IWS1: variants seen among roughly 807,000 people sequenced by gnomAD.
The protein encoded by IWS1 is interacts with SUPT6H, CTD assembly factor 1.
IWS1 carries 27 observed loss-of-function variants against 86.7 expected under a neutral mutation model. That is an observed-to-expected ratio of 0.31 (90% confidence interval 0.23 to 0.43). The LOEUF (loss-of-function observed/expected upper bound fraction) is 0.43, where lower values mean the gene tolerates loss of function less well. Ranked by LOEUF, IWS1 falls within the 20% of genes least tolerant of loss-of-function variation. The pLI is 1.00. For synonymous variants in IWS1, 313 were observed against 335.1 expected, an observed-to-expected ratio of 0.93 and a Z score of 0.72; for missense variants, 827 against 1,000.8, an observed-to-expected ratio of 0.83 and a Z score of 2.34.
chr2:127,510,660 T>C, intron 2 of IWS1, among the ~76,000 whole-genome samples: 1 of 142,654 alleles, frequency 7.0e-6, no homozygotes, highest in East Asian at 2.0e-4. Context: ...GTCCGGATAA[T>C]TTTTTTTTTT....
At chr2:127,521,612 C>T (rs558227801) in intron 2 of IWS1, among the ~76,000 whole-genome samples, 1 of 152,176 alleles carries the variant, frequency 6.6e-6, no homozygotes, top group Non-Finnish European at 1.5e-5. Flanking sequence ...GACAAAATCA[C>T]CCAACACAAA....
chr2:127,515,301 T>C (rs1691710611), intron 2 of IWS1, among the ~76,000 whole-genome samples: 1 of 152,172 alleles, frequency 6.6e-6, no homozygotes, highest in South Asian at 2.1e-4. Flanking sequence ...ACCAAGATGC[T>C]AAATGTCCTG....
At chr2:127,485,277 G>A (rs1228112371) in intron 13 of IWS1, among the ~76,000 whole-genome samples, 1 of 152,164 alleles carries the variant, frequency 6.6e-6, no homozygotes, top group Non-Finnish European at 1.5e-5. Flanking sequence ...AGGGGTCATG[G>A]AGAAGAACCA....
chr2:127,486,280 T>C (rs1689926209), intron 13 of IWS1: 1 of 260,380 alleles, frequency 3.8e-6, no homozygotes, highest in South Asian at 6.2e-5. Context: ...CAAGCCTTGC[T>C]TGAAGTAAAG....
intron 12 of IWS1, among the ~76,000 whole-genome samples, chr2:127,488,548 A>C (rs1382850845): frequency 6.6e-6 from 1 of 152,102 alleles, no homozygotes; most frequent in Non-Finnish European, 1.5e-5. Flanking sequence ...TCTGTTTCCC[A>C]ACTACCACCT....
chr2:127,498,890 A>AAGCCC (rs1445964614), intron 5 of IWS1: 1 of 152,184 alleles, frequency 6.6e-6, no homozygotes, highest in East Asian at 1.9e-4. Flanking sequence ...TCCATTTACA[A>AAGCCC]AGCCATGTGT....
chr2:127,525,833 A>G (rs1692375690), intron 1 of IWS1, among the ~76,000 whole-genome samples: 1 of 152,196 alleles, frequency 6.6e-6, no homozygotes, highest in African/African-American at 2.4e-5. Context: ...CCCCCGCCCC[A>G]ACGCCCCTTG....
In IWS1 at chr2:127,480,871, C is replaced by A; in HGVS notation, c.*173G>T. ...GAAGTATGACTAGTATTCCTTTGTA[C>A]AAAGTACACAACGGTTTTAAATATA... On this transcript the variant is annotated 3_prime_UTR_variant, in exon 14 of 14. Coordinates refer to ENST00000295321, the MANE Select transcript of IWS1 (RefSeq NM_017969.3). 1 of 624,392 alleles carries A rather than the reference C, an allele frequency of 1.6e-6. No individual in the cohort carries two copies. Among genetic ancestry groups the A allele is most frequent in the Non-Finnish European group, 2.6e-6 (1 of 386,248 alleles). The allele number at this position is 624,392 out of a possible 1,614,324, so 38.7% of individuals were successfully genotyped here. A position where few individuals can be genotyped will look rare whatever the true frequency, so the allele number is the denominator to read the frequency against.
intron 1 of IWS1, among the ~76,000 whole-genome samples, chr2:127,524,491 TAC>T (rs1311434876): frequency 1.3e-5 from 2 of 151,714 alleles, no homozygotes; most frequent in East Asian, 1.9e-4. Flanking sequence ...CTTTAAAAAA[TAC>T]AGAGTAAAAT....
At position 127,481,017 on chromosome 2, in the gene IWS1, A is replaced by G. The variant is rs1295269922; in HGVS notation, c.*27T>C. 6.3e-7 allele frequency: 1 copy of G among 1,587,150 alleles called. No homozygotes were observed. The highest frequency in any genetic ancestry group is 1.9e-5 in the Admixed American group (1 of 52,070). On this transcript the variant is annotated 3_prime_UTR_variant, in exon 14 of 14. Coordinates refer to ENST00000295321, the MANE Select transcript of IWS1 (RefSeq NM_017969.3). ...GAGTCCATTGCGCATTTCTTAGAGT[A>G]GAGATGGGGACACATTCCAGGCAAG...
chr2:127,483,591 T>TGG (rs1187157658), intron 13 of IWS1, among the ~76,000 whole-genome samples: 5 of 17,520 alleles, frequency 2.9e-4, no homozygotes, highest in Non-Finnish European at 3.1e-4. Context: ...GGTGGTGGGG[T>TGG]GGGGGGGTTG....
At chr2:127,487,039 G>T (rs1232006403) in intron 12 of IWS1, among the ~76,000 whole-genome samples, 1 of 152,186 alleles carries the variant, frequency 6.6e-6, no homozygotes, top group African/African-American at 2.4e-5. Context: ...CTTGTGAGAT[G>T]AGGAATTGTG....
Position 127,496,069 on chromosome 2 carries a change from C to A in IWS1, c.1645G>T (p.Gly549Cys), listed in dbSNP as rs550032523. 3 of 1,614,006 alleles carry A rather than the reference C, an allele frequency of 1.9e-6. No individual in the cohort carries two copies. The Admixed American group carries it at 5.0e-5, about 27-fold the overall frequency. ...TCTGCATCACTAATAAAGGTGCCAC[C>A]ATCGCGGTTCCGTCTGCGCTTGCCA... ...MSGKRRRNRD[G>C]GTFISDADDV... The change falls in exon 7 of 14, where the codon GGT (glycine) becomes TGT (cysteine). Residue 549 changes from glycine (G) to cysteine (C), a missense_variant. Gly to Cys is a radical substitution (Grantham distance 159). Transcript: ENST00000295321.
At chr2:127,526,586 A>C, upstream of IWS1, 1 of 1,379,844 alleles carries the variant, frequency 7.2e-7, no homozygotes. Flanking sequence ...CACGGCCGGA[A>C]AGGAGACTCC....
At chr2:127,525,848 C>A (rs559994911) in intron 1 of IWS1, among the ~76,000 whole-genome samples, 3 of 152,364 alleles carry the variant, frequency 2.0e-5, no homozygotes, top group South Asian at 4.1e-4. Context: ...CCCTTGGATT[C>A]TCCAACTACT....
intron 2 of IWS1, among the ~76,000 whole-genome samples, chr2:127,521,430 T>A (rs962129163): frequency 3.9e-5 from 6 of 152,362 alleles, no homozygotes; most frequent in African/African-American, 1.4e-4. Flanking sequence ...ACTTCACAGA[T>A]GCAGGAGTGC....
At chr2:127,518,493 G>T (rs777908604) in intron 2 of IWS1, among the ~76,000 whole-genome samples, 1 of 151,416 alleles carries the variant, frequency 6.6e-6, no homozygotes, top group African/African-American at 2.4e-5. Flanking sequence ...CAGCCCGGGC[G>T]ACAGTGTAAG....
At chr2:127,510,398 A>C (rs948613575) in intron 2 of IWS1, among the ~76,000 whole-genome samples, 2 of 152,212 alleles carry the variant, frequency 1.3e-5, no homozygotes, top group African/African-American at 4.8e-5. Flanking sequence ...GTCTATCAAA[A>C]GTTGGTTGAT....
intron 7 of IWS1, among the ~76,000 whole-genome samples, chr2:127,495,183 G>A (rs1240436684): frequency 1.3e-5 from 2 of 152,010 alleles, no homozygotes; most frequent in African/African-American, 4.8e-5. Flanking sequence ...TACAAATTGA[G>A]AGAAACAATT....
Sources: gnomAD v4.1 joint callset for allele counts (sites outside exome capture counted in the v4.1 genomes callset) on GRCh38, gnomAD v4.1.1 for gene constraint, MANE v1.5 for transcripts, NCBI Gene and HGNC (gene_info 2026-07-23, HGNC 2026-07-21) for gene names.